The following RNF25 variants were observed in gnomAD, a reference collection of about 807,000 sequenced individuals.
RNF25 encodes the protein E3 ubiquitin-protein ligase RNF25.
RNF25 carries 32 observed loss-of-function variants against 65.0 expected under a neutral mutation model. The observed-to-expected ratio is 0.49, with a 90% CI of 0.37 to 0.66. The LOEUF (loss-of-function observed/expected upper bound fraction) is 0.66, where lower values mean the gene tolerates loss of function less well. RNF25 is among the 30% of genes least tolerant of loss of function. The pLI is 0.00. For synonymous variants in RNF25, 207 were observed against 221.2 expected, an observed-to-expected ratio of 0.94 and a Z score of 0.57; for missense variants, 493 against 584.8, an observed-to-expected ratio of 0.84 and a Z score of 1.62.
intron 5 of RNF25, among the ~76,000 whole-genome samples, chr2:218,666,556 G>A (rs1939829393): frequency 6.6e-6 from 1 of 152,164 alleles, no homozygotes; most frequent in African/African-American, 2.4e-5. Context: ...TTTATCTTCT[G>A]GGAGGCCTTT....
rs1225178895 is a variant in RNF25, at chr2:218,664,132, C to T, written c.1205G>A (p.Gly402Glu). Reference sequence around the variant, plus strand: ...TGGGGGCCCCTGCCAGCTGCCAGGCCCCTTCTCTTGTGGAGGACCTTCAAC... The same window carrying T: ...TGGGGGCCCCTGCCAGCTGCCAGGCTCCTTCTCTTGTGGAGGACCTTCAAC... The part of the protein sequence containing the change: ...QGVEGPPQEK[G>E]PGSWQGPPPR... Residue 402 changes from glycine (G) to glutamate (E), a missense_variant, in exon 10 of 10, where the codon GGG (glycine) becomes GAG (glutamate). By Grantham distance (98) the Gly-to-Glu change is moderately conservative. This residue lies in a region of RNF25 where 351 missense variants were observed against 400.2 expected (regional missense o/e 0.88). Transcript: ENST00000295704. The surrounding 1 kb of genome is among the most constrained non-coding windows in gnomAD (Gnocchi z 5.1). 2.0e-6 allele frequency: 3 copies of T among 1,527,446 alleles called. 1 individual carries two copies. In the African/African-American group the frequency reaches 4.2e-5, roughly 21 times the overall value. The allele number at this position is 1,527,446 out of a possible 1,614,324, so 94.6% of individuals were successfully genotyped here. A position where few individuals can be genotyped will look rare whatever the true frequency, so the allele number is the denominator to read the frequency against.
At chr2:218,665,358 C>G in intron 7 of RNF25, 111 bp from the exon 8 acceptor site, 1 of 883,462 alleles carries the variant, frequency 1.1e-6, no homozygotes, top group Non-Finnish European at 1.8e-6. Flanking sequence ...CACAGGGACA[C>G]CGGTTCAGCA....
At chr2:218,669,171 T>C (rs2710246) in intron 1 of RNF25, among the ~76,000 whole-genome samples, 57,921 of 152,060 alleles carry the variant, frequency 0.38, 11,339 homozygotes, top group African/African-American at 0.42. Flanking sequence ...TTAAAGGAGA[T>C]AGCAACCTCA....
intron 5 of RNF25, among the ~76,000 whole-genome samples, chr2:218,667,165 CAAAA>C (rs555032127): frequency 1.2e-5 from 1 of 84,698 alleles, no homozygotes; most frequent in South Asian, 4.1e-4. Flanking sequence ...AAGACTGTCT[CAAAA>C]AAAAAAAAAA....
At chr2:218,670,620 C>T (rs1343678542) in intron 1 of RNF25, among the ~76,000 whole-genome samples, 4 of 143,500 alleles carry the variant, frequency 2.8e-5, no homozygotes, top group Non-Finnish European at 4.5e-5. Flanking sequence ...GGCATGAACC[C>T]GGGAGGCGGA....
Position 218,664,052 on chromosome 2 carries a change from C to A in RNF25, c.1285G>T (p.Gly429Cys). The A allele has an allele frequency of 6.7e-7, 1 of 1,503,042 alleles. No homozygotes were observed. The highest frequency in any genetic ancestry group is 8.9e-7 in the Non-Finnish European group (1 of 1,126,440). 93.1% of individuals were successfully genotyped at this position (1,503,042 alleles called of 1,614,324 possible). A position where few individuals can be genotyped will look rare whatever the true frequency, so the allele number is the denominator to read the frequency against. The change falls in exon 10 of 10, where the codon GGT (glycine) becomes TGT (cysteine). Residue 429 changes from glycine (G) to cysteine (C), a missense_variant. Gly to Cys is a radical substitution (Grantham distance 159). Coordinates refer to ENST00000295704, the MANE Select transcript of RNF25 (RefSeq NM_022453.3). The surrounding 1 kb of genome is among the most constrained non-coding windows in gnomAD (Gnocchi z 5.1). ...RWERSKGRTP[G>C]SSYPRLPRGQ... ...CGAGGCAGGCGAGGGTAGGAAGAAC[C>A]GGGTGTCCGGCCTTTAGAGCGCTCC... is the stretch of plus-strand genomic sequence containing the variant.
At chr2:218,671,843 C>A (rs1939986523) in intron 1 of RNF25, 87 bp downstream of exon 1, 1 of 1,467,524 alleles carries the variant, frequency 6.8e-7, no homozygotes, top group South Asian at 1.2e-5. Context: ...CCACCCCACA[C>A]GCCCGCCGTA....
chr2:218,664,206 C>A lies in RNF25; in HGVS notation c.1131G>T (p.Gly377=). The stretch of plus-strand genomic sequence containing the variant: ...TTAGGTCCATGGGCTCCTTGAGGGG[C>A]CCCTCAGGAGGTGGCAGTTCCTGGG... ...RDTQELPPPE[G]PLKEPMDLKP... Residue 377 remains glycine, a synonymous_variant, in exon 10 of 10, where the codon GGG becomes GGT. Transcript: ENST00000295704. The surrounding 1 kb of genome is among the most constrained non-coding windows in gnomAD (Gnocchi z 5.1). The A allele has an allele frequency of 6.3e-7, 1 of 1,593,246 alleles. No homozygotes were observed. Among genetic ancestry groups the A allele is most frequent in the Non-Finnish European group, 8.5e-7 (1 of 1,170,688 alleles).
intron 5 of RNF25, among the ~76,000 whole-genome samples, chr2:218,667,297 G>C (rs1448807714): frequency 1.3e-5 from 2 of 151,770 alleles, no homozygotes; most frequent in African/African-American, 2.4e-5. Context: ...GTTGCTTCAT[G>C]TGGGTTGTTT....
At position 218,664,147 on chromosome 2, in the gene RNF25, G is replaced by A; in HGVS notation, c.1190C>T (p.Pro397Leu). The A allele has an allele frequency of 6.5e-7, 1 of 1,537,016 alleles. No individual in the cohort carries two copies. Among genetic ancestry groups the A allele is most frequent in the Admixed American group, 2.2e-5 (1 of 45,768 alleles). The change falls in exon 10 of 10, where the codon CCT becomes CTT. Residue 397 changes from proline (P) to leucine (L), a missense_variant. Pro to Leu is a moderately conservative substitution (Grantham distance 98). Transcript: ENST00000295704. The surrounding 1 kb of genome is among the most constrained non-coding windows in gnomAD (Gnocchi z 5.1). ...PEPHSQGVEG[P>L]PQEKGPGSWQ... ...GCTGCCAGGCCCCTTCTCTTGTGGA[G>A]GACCTTCAACTCCTTGGCTATGGGG...
chr2:218,666,689 T>C (rs1939832401), intron 5 of RNF25, among the ~76,000 whole-genome samples: 1 of 152,148 alleles, frequency 6.6e-6, no homozygotes, highest in Non-Finnish European at 1.5e-5. Context: ...AGGCATTGAG[T>C]TGGGCTGTGA....
chr2:218,671,396 T>C (rs938200610), intron 1 of RNF25, among the ~76,000 whole-genome samples: 2 of 152,220 alleles, frequency 1.3e-5, no homozygotes, highest in Non-Finnish European at 2.9e-5. Context: ...TTCCATGTTC[T>C]AGTCTTTGGT....
intron 4 of RNF25, 41 bp from the exon 5 acceptor site, chr2:218,668,022 T>C: frequency 6.2e-7 from 1 of 1,613,110 alleles, no homozygotes; most frequent in Non-Finnish European, 8.5e-7. Flanking sequence ...CCTGCCCATT[T>C]CTGTCACCGG....
At chr2:218,667,741 G>A (rs1939866969) in intron 5 of RNF25, among the ~76,000 whole-genome samples, 171 bp downstream of exon 5, 1 of 152,212 alleles carries the variant, frequency 6.6e-6, no homozygotes, top group South Asian at 2.1e-4. Flanking sequence ...CTACTGAACT[G>A]TCTTTTGGGA....
At chr2:218,669,604 G>C (rs1041739766) in intron 1 of RNF25, among the ~76,000 whole-genome samples, 1 of 152,160 alleles carries the variant, frequency 6.6e-6, no homozygotes. Flanking sequence ...ACATACTTAA[G>C]CATAGAAACA....
Position 218,664,791 on chromosome 2 carries a change from C to T in RNF25, c.749G>A (p.Gly250Glu), listed in dbSNP as rs754778205. Residue 250 changes from glycine (G) to glutamate (E), a missense_variant, in exon 9 of 10, where the codon GGA (glycine) becomes GAA (glutamate). This residue lies in a region of RNF25 where 351 missense variants were observed against 400.2 expected (regional missense o/e 0.88). Coordinates refer to ENST00000295704, the MANE Select transcript of RNF25 (RefSeq NM_022453.3). This position sits in a 1 kb window ranked among gnomAD's most constrained non-coding sequence, Gnocchi z 5.1. ...TCGCTCAGCCTCAAGGTCAATGATT[C>T]CCCCCCGCTCCTGCTGCCTCTGGTA... ...RLYQRQQERG[G>E]IIDLEAERNR... The T allele has an allele frequency of 6.2e-7, 1 of 1,614,040 alleles. No homozygotes were observed. The highest frequency in any genetic ancestry group is 8.5e-7 in the Non-Finnish European group (1 of 1,179,902).
At chr2:218,669,374 G>A (rs1257891496) in intron 1 of RNF25, among the ~76,000 whole-genome samples, 3 of 152,224 alleles carry the variant, frequency 2.0e-5, no homozygotes, top group Admixed American at 6.5e-5. Flanking sequence ...AGGATAAAAG[G>A]TGATTTGTTT....
intron 1 of RNF25, among the ~76,000 whole-genome samples, chr2:218,670,061 A>T (rs538705060): frequency 3.3e-5 from 5 of 152,080 alleles, no homozygotes; most frequent in Non-Finnish European, 7.4e-5. Context: ...AAAAATAAAA[A>T]ATTAACTGGA....
chr2:218,670,695 CAAAAAA>C (rs34923737), intron 1 of RNF25, among the ~76,000 whole-genome samples: 1 of 32,318 alleles, frequency 3.1e-5, no homozygotes, highest in Non-Finnish European at 7.3e-5. Context: ...GACTCCGTCT[CAAAAAA>C]AAAAAAAAAA....
Sources: gnomAD v4.1 joint callset for allele counts (sites outside exome capture counted in the v4.1 genomes callset) on GRCh38, gnomAD v4.1.1 for gene constraint, gnomAD v4.1.1 regional missense constraint, Gnocchi (gnomAD v3.1) non-coding constraint, MANE v1.5 for transcripts, NCBI Gene and HGNC (gene_info 2026-07-23, HGNC 2026-07-21) for gene names.